Variants in POLA1 observed in about 807,000 individuals in gnomAD.
POLA1 encodes DNA polymerase alpha 1, catalytic subunit.
A neutral mutation model predicts 124.0 loss-of-function variants in POLA1; 15 were observed. The ratio of observed to expected loss-of-function variants is 0.12; its 90% CI spans 0.08 to 0.19. The LOEUF is 0.19. POLA1 is among the 10% of genes least tolerant of loss of function. The pLI is 1.00. For synonymous variants in POLA1, 408 were observed against 389.4 expected, an observed-to-expected ratio of 1.05 and a Z score of -0.56; for missense variants, 886 against 1,103.4, an observed-to-expected ratio of 0.80 and a Z score of 2.79.
At chrX:24,717,238 C>G (rs768393130) in intron 8 of POLA1, 52 bp from the exon 9 acceptor site, 11 of 1,054,957 alleles carry the variant, frequency 1.0e-5, no homozygotes, top group Non-Finnish European at 1.4e-5. Flanking sequence ...CCTTTGTGTG[C>G]CTTTGTGTCA....
chrX:24,951,343 A>ACC (rs57038936), intron 36 of POLA1, among the ~76,000 whole-genome samples: 1 of 40,953 alleles, frequency 2.4e-5, no homozygotes, highest in Admixed American at 4.9e-4. Context: ...ACACCTCCCT[A>ACC]CCCCCCCCCC....
intron 34 of POLA1, among the ~76,000 whole-genome samples, chrX:24,880,733 A>AT (rs1446193039): frequency 5.4e-5 from 6 of 111,664 alleles, no homozygotes; most frequent in Non-Finnish European, 9.4e-5. Context: ...AAGGAGACCC[A>AT]TTTTTTGCCA....
At position 24,731,705 on chromosome X, in the gene POLA1, A is replaced by G. The variant is rs182641341; in HGVS notation, c.1687-665A>G. On this transcript the variant is annotated intron_variant, in intron 15 of 36. Transcript: ENST00000379068. Reference sequence around the variant, plus strand: ...ATACAGAGCACAGGACAGCCCCCACAACAAAGAATTATTTGGCCCAAGGTG... The same window carrying G: ...ATACAGAGCACAGGACAGCCCCCACGACAAAGAATTATTTGGCCCAAGGTG... Among the ~76,000 whole-genome samples the G allele has an allele frequency of 1.9e-4, 21 of 110,972 alleles. No homozygotes were observed. In the East Asian group the frequency reaches 4.6e-3, roughly 24 times the overall value.
At chrX:24,828,743 T>A (rs2046213957) in intron 32 of POLA1, among the ~76,000 whole-genome samples, 2 of 111,645 alleles carry the variant, frequency 1.8e-5, no homozygotes, top group African/African-American at 6.5e-5. Context: ...GAATGACATT[T>A]AAGATAAGGA....
At chrX:24,717,251 G>A (rs766581457) in intron 8 of POLA1, 39 bp from the exon 9 acceptor site, 4 of 1,128,826 alleles carry the variant, frequency 3.5e-6, no homozygotes, top group Non-Finnish European at 4.9e-6. Context: ...TTGTGTCATC[G>A]CAATAACACA....
intron 34 of POLA1, among the ~76,000 whole-genome samples, chrX:24,847,758 T>A (rs868750540): frequency 8.9e-6 from 1 of 112,279 alleles, no homozygotes; most frequent in African/African-American, 3.2e-5. Flanking sequence ...CAGAAGTACG[T>A]GTATCTTGAT....
intron 34 of POLA1, among the ~76,000 whole-genome samples, chrX:24,866,155 G>A (rs1355321712): frequency 8.9e-6 from 1 of 112,038 alleles, no homozygotes; most frequent in Non-Finnish European, 1.9e-5. Context: ...CCTGCTTTCC[G>A]TGGTAATCAC....
In POLA1 at chrX:24,987,843, C is replaced by A. The variant is rs190047109; in HGVS notation, c.4262-7962C>A. ...GATTTAGGAAGGCACGACCTCTTTTCTACACTCTATCCAGAATGTGATGGT... is the reference window on the plus strand; with the variant it reads ...GATTTAGGAAGGCACGACCTCTTTTATACACTCTATCCAGAATGTGATGGT... On this transcript the variant is annotated intron_variant, in intron 36 of 36. Coordinates refer to ENST00000379068, the MANE Select transcript of POLA1 (RefSeq NM_001330360.2). 1.5e-3 allele frequency among the ~76,000 whole-genome samples: 168 copies of A among 111,790 alleles called. 1 individual carries two copies. Among genetic ancestry groups the A allele is most frequent in the Non-Finnish European group, 2.8e-3 (149 of 53,124 alleles).
At chrX:24,853,718 A>G (rs2046598815) in intron 34 of POLA1, among the ~76,000 whole-genome samples, 1 of 111,233 alleles carries the variant, frequency 9.0e-6, no homozygotes, top group Non-Finnish European at 1.9e-5. Flanking sequence ...CAGTTGGTTA[A>G]TTTTTGAGAA....
intron 32 of POLA1, among the ~76,000 whole-genome samples, chrX:24,832,264 C>A (rs1329255937): frequency 1.8e-5 from 2 of 111,367 alleles, no homozygotes; most frequent in Admixed American, 1.9e-4. Context: ...GCAGGGGTAA[C>A]CTGTGTTATC....
intron 26 of POLA1, among the ~76,000 whole-genome samples, chrX:24,754,251 C>CTT (rs750683205): frequency 1.0e-5 from 1 of 99,391 alleles, no homozygotes; most frequent in Non-Finnish European, 2.1e-5. Context: ...TTCTTTCTTT[C>CTT]TTTTTTTTTT....
At chrX:24,750,328 C>G (rs765985508) in intron 26 of POLA1, among the ~76,000 whole-genome samples, 1 of 113,008 alleles carries the variant, frequency 8.8e-6, no homozygotes, top group African/African-American at 3.2e-5. Flanking sequence ...CTATCCAGTG[C>G]TGTAGTCTCT....
chrX:24,930,382 C>G, intron 35 of POLA1, 71 bp from the exon 36 acceptor site: 1 of 699,209 alleles, frequency 1.4e-6, no homozygotes, highest in Non-Finnish European at 2.3e-6. Flanking sequence ...GGGATACACT[C>G]TGCTGAGAGT....
intron 35 of POLA1, among the ~76,000 whole-genome samples, chrX:24,905,943 A>T (rs1428878627): frequency 8.9e-6 from 1 of 112,196 alleles, no homozygotes; most frequent in African/African-American, 3.2e-5. Flanking sequence ...ATGCAAATGA[A>T]AACCACAGTG....
intron 23 of POLA1, among the ~76,000 whole-genome samples, chrX:24,743,849 G>T (rs1469868061): frequency 9.0e-6 from 1 of 111,285 alleles, no homozygotes; most frequent in African/African-American, 3.3e-5. Flanking sequence ...GAATGGCAAA[G>T]ATGTTTTGTG....
intron 30 of POLA1, among the ~76,000 whole-genome samples, chrX:24,817,607 CAA>C (rs1171262514): frequency 1.2e-4 from 4 of 33,479 alleles, no homozygotes; most frequent in African/African-American, 1.8e-4. Flanking sequence ...GATTCCATCT[CAA>C]AAAAAAAAAA....
intron 16 of POLA1, among the ~76,000 whole-genome samples, chrX:24,733,519 G>C (rs1360052589): frequency 8.9e-6 from 1 of 112,002 alleles, no homozygotes; most frequent in African/African-American, 3.3e-5. Context: ...TCAGTGGATA[G>C]ATAGCAAATG....
At chrX:24,724,037 A>G (rs1930377210) in intron 11 of POLA1, among the ~76,000 whole-genome samples, 1 of 112,215 alleles carries the variant, frequency 8.9e-6, no homozygotes, top group African/African-American at 3.2e-5. Context: ...CCCTCCCTAT[A>G]TCAGTTGAAC....
chrX:24,810,944 T>C (rs1321937039), intron 28 of POLA1, 144 bp downstream of exon 28: 2 of 386,381 alleles, frequency 5.2e-6, no homozygotes, highest in Non-Finnish European at 9.0e-6. Flanking sequence ...TCTATTTTTC[T>C]GTCTTTCTTT....
Sources: gnomAD v4.1 joint callset for allele counts (sites outside exome capture counted in the v4.1 genomes callset) on GRCh38, gnomAD v4.1.1 for gene constraint, MANE v1.5 for transcripts, NCBI Gene and HGNC (gene_info 2026-07-23, HGNC 2026-07-21) for gene names.